FNTB: variants seen among roughly 807,000 people sequenced by gnomAD.
FNTB encodes the protein protein farnesyltransferase subunit beta.
A neutral mutation model predicts 59.4 loss-of-function variants in FNTB; 27 were observed. That is an observed-to-expected ratio of 0.45 (90% CI 0.34 to 0.63). The LOEUF (loss-of-function observed/expected upper bound fraction) is 0.63, where lower values mean the gene tolerates loss of function less well. Ranked by LOEUF, FNTB falls within the 20% of genes least tolerant of loss-of-function variation. The pLI, the probability that FNTB is intolerant of heterozygous loss-of-function variation, is 0.02. For missense variants in FNTB, 449 were observed against 559.6 expected (o/e 0.80, Z 1.99); for synonymous variants, 230 against 220.7 (o/e 1.04, Z -0.37).
At chr14:65,026,417 C>T (rs1487675979) in intron 4 of FNTB, among the ~76,000 whole-genome samples, 2 of 152,194 alleles carry the variant, frequency 1.3e-5, no homozygotes, top group Non-Finnish European at 2.9e-5. Flanking sequence ...TTTGAATTAA[C>T]GTGGAGAATT....
rs1355696151 is a variant in FNTB at position 65,009,186 on chromosome 14, C to A, written c.210-3131C>A. Among the ~76,000 whole-genome samples the A allele has an allele frequency of 1.3e-5, 2 of 152,104 alleles. No individual in the cohort carries two copies. Among genetic ancestry groups the A allele is most frequent in the African/African-American group, 4.8e-5 (2 of 41,380 alleles). On this transcript the variant is annotated intron_variant, in intron 2 of 11. Coordinates refer to ENST00000246166, the MANE Select transcript of FNTB (RefSeq NM_002028.4). The surrounding 1 kb of genome is among the most constrained non-coding windows in gnomAD (Gnocchi z 4.2). ...TGAGGGTATTAGTCAGCTTGGGCTGCCATAAGACGGTATCACAGATGGGGT... is the reference window on the plus strand; with the variant it reads ...TGAGGGTATTAGTCAGCTTGGGCTGACATAAGACGGTATCACAGATGGGGT...
chr14:65,056,507 C>A (rs766509749), intron 11 of FNTB, among the ~76,000 whole-genome samples: 1 of 152,120 alleles, frequency 6.6e-6, no homozygotes, highest in Admixed American at 6.5e-5. Context: ...ATAGTCAGAC[C>A]TTTTCCTTTT....
At position 64,997,422 on chromosome 14, in the gene FNTB, C is replaced by T. The variant is rs1888438743; in HGVS notation, c.145-6827C>T. On this transcript the variant is annotated intron_variant, in intron 1 of 11. Coordinates refer to ENST00000246166, the MANE Select transcript of FNTB (RefSeq NM_002028.4). The surrounding 1 kb of genome is among the most constrained non-coding windows in gnomAD (Gnocchi z 4.5). Reference sequence around the variant, plus strand: ...GTCAACATTCCCATTCCCTAACCCCCTGCCCACCAAACTATCCTTGAAAAA... The same window carrying T: ...GTCAACATTCCCATTCCCTAACCCCTTGCCCACCAAACTATCCTTGAAAAA... Among the ~76,000 whole-genome samples, 2 of 152,200 alleles carry T rather than the reference C, an allele frequency of 1.3e-5. No individual in the cohort carries two copies. Among genetic ancestry groups the T allele is most frequent in the African/African-American group, 4.8e-5 (2 of 41,440 alleles).
intron 9 of FNTB, among the ~76,000 whole-genome samples, chr14:65,048,924 A>G (rs867793677): frequency 3.3e-5 from 5 of 152,134 alleles, no homozygotes; most frequent in African/African-American, 1.2e-4. Flanking sequence ...CAGGAGTTCA[A>G]GACCAGCCTG....
intron 7 of FNTB, among the ~76,000 whole-genome samples, chr14:65,038,509 G>C (rs2139615228): frequency 6.6e-6 from 1 of 152,094 alleles, no homozygotes; most frequent in South Asian, 2.1e-4. Context: ...CACGAGGTCA[G>C]GAGTTCGAAA....
chr14:65,009,597 A>G lies in FNTB; in HGVS notation c.210-2720A>G, dbSNP rs981216104. The stretch of plus-strand genomic sequence containing the variant: ...TTATTCCAGGCTCACCTCTCCTACT[A>G]TACCCTCATCCCAGCCCTCCTCCAT... On this transcript the variant is annotated intron_variant, in intron 2 of 11. Coordinates refer to ENST00000246166, the MANE Select transcript of FNTB (RefSeq NM_002028.4). This position sits in a 1 kb window ranked among gnomAD's most constrained non-coding sequence, Gnocchi z 4.2. Among the ~76,000 whole-genome samples, 2 of 151,960 alleles carry G rather than the reference A, an allele frequency of 1.3e-5. No homozygotes were observed. Among genetic ancestry groups the G allele is most frequent in the African/African-American group, 2.4e-5 (1 of 41,348 alleles).
At chr14:65,057,772 T>C (rs2062770895) in intron 11 of FNTB, among the ~76,000 whole-genome samples, 1 of 152,184 alleles carries the variant, frequency 6.6e-6, no homozygotes, top group Non-Finnish European at 1.5e-5. Flanking sequence ...TTTTTCCATA[T>C]GGATAACCAA....
rs1555390091 is a variant in FNTB, at chr14:65,005,504, T to TCTTTCTTC, written c.209+1198_209+1199insCCTTTCTT. Among the ~76,000 whole-genome samples the TCTTTCTTC allele has an allele frequency of 9.3e-5, 11 of 117,796 alleles. No individual in the cohort carries two copies. The South Asian group carries it at 9.9e-4, about 11-fold the overall frequency. The allele number at this position is 117,796 out of a possible 152,430, so 77.3% of individuals were successfully genotyped here. A position where few individuals can be genotyped will look rare whatever the true frequency, so the allele number is the denominator to read the frequency against. On this transcript the variant is annotated intron_variant, in intron 2 of 11. Coordinates refer to ENST00000246166, the MANE Select transcript of FNTB (RefSeq NM_002028.4). The stretch of plus-strand genomic sequence containing the variant: ...TTCTTTCTTTCTTTCTTTCTTTCTT[T>TCTTTCTTC]CTTTCTTTCTCTCTCTCTTTCTCTT...
In FNTB at chr14:65,023,968, G is replaced by A. The variant is rs553434153; in HGVS notation, c.375-3485G>A. Among the ~76,000 whole-genome samples, 58 of 152,154 alleles carry A rather than the reference G, an allele frequency of 3.8e-4. 1 individual carries two copies. The highest frequency in any genetic ancestry group is 1.6e-3 in the Admixed American group (25 of 15,272). ...AATACAAAAATTAGCTGGGCGTGGC[G>A]GCATGCACCTGTAGTCCCAGCTACT... On this transcript the variant is annotated intron_variant, in intron 4 of 11. Transcript: ENST00000246166. This position sits in a 1 kb window ranked among gnomAD's most constrained non-coding sequence, Gnocchi z 4.1.
In FNTB at chr14:65,054,708, T is replaced by C. The variant is rs371634533; in HGVS notation, c.1182+19T>C. The C allele has an allele frequency of 6.9e-6, 11 of 1,589,360 alleles. No homozygotes were observed. In the African/African-American group the frequency reaches 9.4e-5, roughly 14 times the overall value. On this transcript the variant is annotated intron_variant, in intron 11 of 11. Coordinates refer to ENST00000246166, the MANE Select transcript of FNTB (RefSeq NM_002028.4). The surrounding 1 kb of genome is among the most constrained non-coding windows in gnomAD (Gnocchi z 4.4). Reference sequence around the variant, plus strand: ...CGCTCTGGTAAGACGGGTGCAGGGCTTCACACCCCTTCTCCACAGGGACCT... The same window carrying C: ...CGCTCTGGTAAGACGGGTGCAGGGCCTCACACCCCTTCTCCACAGGGACCT...
Position 64,997,216 on chromosome 14 carries a change from A to G in FNTB, c.145-7033A>G, listed in dbSNP as rs918313453. Among the ~76,000 whole-genome samples, 1 of 152,154 alleles carries G rather than the reference A, an allele frequency of 6.6e-6. No homozygotes were observed. The highest frequency in any genetic ancestry group is 1.5e-5 in the Non-Finnish European group (1 of 68,020). The stretch of plus-strand genomic sequence containing the variant: ...CACAAGATTTAGAGCTTTCTCAATT[A>G]CTCCTGTAGATAACATCCCAATTGC... On this transcript the variant is annotated intron_variant, in intron 1 of 11. Transcript: ENST00000246166. This position sits in a 1 kb window ranked among gnomAD's most constrained non-coding sequence, Gnocchi z 4.5.
intron 7 of FNTB, among the ~76,000 whole-genome samples, chr14:65,036,647 GTC>G (rs2062199532): frequency 2.6e-5 from 4 of 151,974 alleles, no homozygotes; most frequent in South Asian, 2.1e-4. Context: ...TTTTTCTTCT[GTC>G]TCTCTTTTTC....
chr14:65,054,707 C>G lies in FNTB; in HGVS notation c.1182+18C>G. On this transcript the variant is annotated intron_variant, in intron 11 of 11. Transcript: ENST00000246166. This position sits in a 1 kb window ranked among gnomAD's most constrained non-coding sequence, Gnocchi z 4.4. ...ACGCTCTGGTAAGACGGGTGCAGGG[C>G]TTCACACCCCTTCTCCACAGGGACC... 6.3e-7 allele frequency: 1 copy of G among 1,589,544 alleles called. No homozygotes were observed. Among genetic ancestry groups the G allele is most frequent in the East Asian group, 2.3e-5 (1 of 43,204 alleles).
At chr14:64,999,914 C>G (rs1888534370) in intron 1 of FNTB, among the ~76,000 whole-genome samples, 1 of 152,130 alleles carries the variant, frequency 6.6e-6, no homozygotes, top group Non-Finnish European at 1.5e-5. Context: ...AAATTTTAAG[C>G]ATTTTCCACC....
chr14:65,020,357 C>T (rs1051776283), intron 4 of FNTB, among the ~76,000 whole-genome samples: 4 of 152,214 alleles, frequency 2.6e-5, no homozygotes, highest in Non-Finnish European at 4.4e-5. Context: ...AATTGATCCT[C>T]CTGCCTTAGC....
At chr14:65,043,818 G>C in intron 8 of FNTB, among the ~76,000 whole-genome samples, 1 of 108,880 alleles carries the variant, frequency 9.2e-6, no homozygotes, top group East Asian at 2.9e-4. Context: ...GACAGAGCGA[G>C]ACTCCGTCTC....
At chr14:64,999,101 C>T (rs1888508140) in intron 1 of FNTB, among the ~76,000 whole-genome samples, 1 of 152,218 alleles carries the variant, frequency 6.6e-6, no homozygotes, top group Non-Finnish European at 1.5e-5. Context: ...TTTATGATTC[C>T]ATTTATATAC....
chr14:65,041,998 A>C (rs572802658), intron 8 of FNTB, among the ~76,000 whole-genome samples: 1 of 152,230 alleles, frequency 6.6e-6, no homozygotes, highest in African/African-American at 2.4e-5. Flanking sequence ...TTTTAGCTTG[A>C]TATTTTTTTC....
chr14:65,018,259 G>A (rs2061817837), intron 4 of FNTB, among the ~76,000 whole-genome samples: 1 of 152,140 alleles, frequency 6.6e-6, no homozygotes. Flanking sequence ...GAGTTCAGGG[G>A]TTTGAGGCTG....
Sources: gnomAD v4.1 joint callset for allele counts (sites outside exome capture counted in the v4.1 genomes callset) on GRCh38, gnomAD v4.1.1 for gene constraint, Gnocchi (gnomAD v3.1) non-coding constraint, MANE v1.5 for transcripts, NCBI Gene and HGNC (gene_info 2026-07-23, HGNC 2026-07-21) for gene names.